The following PREP variants were observed in gnomAD, a reference collection of about 807,000 sequenced individuals.
PREP encodes prolyl endopeptidase.
A neutral mutation model predicts 87.6 loss-of-function variants in PREP; 29 were observed. The observed-to-expected ratio is 0.33, with a 90% CI of 0.25 to 0.45. PREP has a LOEUF of 0.45. Among genes scored for constraint, PREP ranks in the 20% least tolerant of loss-of-function variants. The pLI is 1.00. For synonymous variants in PREP, 337 were observed against 328.6 expected (o/e 1.03, Z -0.28); for missense variants, 695 against 886.5 (o/e 0.78, Z 2.74).
intron 6 of PREP, among the ~76,000 whole-genome samples, chr6:105,356,607 C>T (rs1043335826): frequency 2.6e-5 from 4 of 152,134 alleles, no homozygotes; most frequent in Non-Finnish European, 5.9e-5. Flanking sequence ...AGTGAGACTA[C>T]GATACTCTGA....
At chr6:105,352,949 CTG>C (rs761314498) in intron 7 of PREP, 21 bp downstream of exon 7, 1 of 1,569,774 alleles carries the variant, frequency 6.4e-7, no homozygotes, top group Non-Finnish European at 8.8e-7. Flanking sequence ...GAATAACTAT[CTG>C]TGTCTGAAAA....
chr6:105,368,228 G>C (rs936607495), intron 6 of PREP, among the ~76,000 whole-genome samples: 5 of 152,102 alleles, frequency 3.3e-5, no homozygotes, highest in Non-Finnish European at 7.4e-5. Context: ...AACATATTCA[G>C]AATGCTTCTC....
chr6:105,382,690 A>G (rs1411421695), intron 2 of PREP, among the ~76,000 whole-genome samples: 2 of 151,782 alleles, frequency 1.3e-5, no homozygotes, highest in African/African-American at 4.8e-5. Context: ...AGAACAAATA[A>G]AGGGGAAGCT....
intron 7 of PREP, among the ~76,000 whole-genome samples, chr6:105,337,172 G>A (rs1385095990): frequency 6.6e-6 from 1 of 152,106 alleles, no homozygotes; most frequent in Non-Finnish European, 1.5e-5. Context: ...TGTTTCTGCT[G>A]GCTCTAATTT....
intron 6 of PREP, among the ~76,000 whole-genome samples, chr6:105,364,076 C>T (rs367894795): frequency 1.3e-5 from 2 of 152,312 alleles, no homozygotes; most frequent in South Asian, 4.1e-4. Flanking sequence ...CTCCTCCTCC[C>T]TGAGTGGCTA....
intron 6 of PREP, among the ~76,000 whole-genome samples, chr6:105,354,991 G>C (rs905077485): frequency 1.6e-4 from 24 of 151,844 alleles, no homozygotes; most frequent in African/African-American, 5.8e-4. Flanking sequence ...TTCAGAGAGA[G>C]GAATACATAA....
intron 10 of PREP, among the ~76,000 whole-genome samples, chr6:105,310,385 TTG>T (rs1022997441): frequency 1.3e-5 from 2 of 152,182 alleles, no homozygotes; most frequent in African/African-American, 4.8e-5. Context: ...TCCTCCTCTC[TTG>T]TCTTTCCTGA....
rs115764418 is a variant in PREP, at chr6:105,316,285, A to C, written c.1317+7380T>G. On this transcript the variant is annotated intron_variant, in intron 10 of 14. Coordinates refer to ENST00000652536, the MANE Select transcript of PREP (RefSeq NM_002726.5). Reference sequence around the variant, plus strand: ...ATTTTAACAGTGTTATGTCTCAGGGAATAGGGCGGTCTGACGAGAGGGAGA... The same window carrying C: ...ATTTTAACAGTGTTATGTCTCAGGGCATAGGGCGGTCTGACGAGAGGGAGA... 7.8e-3 allele frequency among the ~76,000 whole-genome samples: 1,186 copies of C among 152,284 alleles called. 18 individuals carry two copies. Among genetic ancestry groups the C allele is most frequent in the African/African-American group, 0.028 (1,146 of 41,560 alleles).
In PREP at chr6:105,274,022, A is replaced by G. The variant is rs944263892; in HGVS notation, c.*4122T>C. On this transcript the variant is annotated 3_prime_UTR_variant, in exon 15 of 15. Coordinates refer to ENST00000652536, the MANE Select transcript of PREP (RefSeq NM_002726.5). Reference sequence around the variant, plus strand: ...TTCATTTGCCCCACTTTGTTTCTTCACAGCTCTTTTTATTCCTGTTTCTTG... The same window carrying G: ...TTCATTTGCCCCACTTTGTTTCTTCGCAGCTCTTTTTATTCCTGTTTCTTG... 8.5e-5 allele frequency among the ~76,000 whole-genome samples: 13 copies of G among 152,128 alleles called. No individual in the cohort carries two copies. Among genetic ancestry groups the G allele is most frequent in the Non-Finnish European group, 1.6e-4 (11 of 68,036 alleles).
At chr6:105,283,405 C>T (rs1770123079) in intron 12 of PREP, among the ~76,000 whole-genome samples, 1 of 152,166 alleles carries the variant, frequency 6.6e-6, no homozygotes. Flanking sequence ...AAATAACGGC[C>T]TTTGAAATGA....
At chr6:105,375,454 C>G (rs1395071136) in intron 4 of PREP, among the ~76,000 whole-genome samples, 1 of 152,022 alleles carries the variant, frequency 6.6e-6, no homozygotes, top group African/African-American at 2.4e-5. Context: ...AGTTCCTTAC[C>G]CTAGAACTCT....
In PREP at chr6:105,397,833, T is replaced by C; in HGVS notation, c.120+20A>G. 3 of 1,578,844 alleles carry C rather than the reference T, an allele frequency of 1.9e-6. No individual in the cohort carries two copies. Among genetic ancestry groups the C allele is most frequent in the South Asian group, 2.2e-5 (2 of 90,268 alleles). ...GCTAGCTACTAAGGCTGCCTTATCT[T>C]TAATTAGAAACCAAATTACCTTAGT... On this transcript the variant is annotated intron_variant, in intron 2 of 14. Transcript: ENST00000652536.
At chr6:105,333,782 G>A (rs182144316) in intron 7 of PREP, among the ~76,000 whole-genome samples, 8 of 152,114 alleles carry the variant, frequency 5.3e-5, no homozygotes, top group Admixed American at 3.3e-4. Context: ...TAACTGAGCC[G>A]GCCTCAAATC....
At chr6:105,362,069 G>A (rs139290211) in intron 6 of PREP, among the ~76,000 whole-genome samples, 6 of 152,290 alleles carry the variant, frequency 3.9e-5, no homozygotes, top group Non-Finnish European at 8.8e-5. Context: ...AACAAAACAC[G>A]TACAAAATAA....
intron 9 of PREP, among the ~76,000 whole-genome samples, chr6:105,324,772 C>T (rs2114647950): frequency 6.6e-6 from 1 of 152,324 alleles, no homozygotes; most frequent in East Asian, 1.9e-4. Context: ...ATGCACTTCA[C>T]TAACAGCTGG....
chr6:105,303,723 C>T (rs1770594632), intron 10 of PREP, among the ~76,000 whole-genome samples: 1 of 152,158 alleles, frequency 6.6e-6, no homozygotes, highest in African/African-American at 2.4e-5. Context: ...TTATTCCTTA[C>T]CTGAAAATGT....
At position 105,321,477 on chromosome 6, in the gene PREP, G is replaced by A. The variant is rs552304137; in HGVS notation, c.1317+2188C>T. Among the ~76,000 whole-genome samples the A allele has an allele frequency of 6.6e-5, 10 of 152,350 alleles. No individual in the cohort carries two copies. The South Asian group carries it at 1.9e-3, about 28-fold the overall frequency. On this transcript the variant is annotated intron_variant, in intron 10 of 14. Transcript: ENST00000652536. ...CGGTTTAACCTGGACATTCCAGGCT[G>A]CTATGTATGTGGCTGTTAGGTTTGT...
chr6:105,320,997 A>G (rs1770990482), intron 10 of PREP, among the ~76,000 whole-genome samples: 1 of 152,194 alleles, frequency 6.6e-6, no homozygotes, highest in Non-Finnish European at 1.5e-5. Context: ...TGCTGCACAC[A>G]TACACTTGAA....
chr6:105,300,394 G>C (rs1348153070), intron 10 of PREP, among the ~76,000 whole-genome samples: 1 of 152,034 alleles, frequency 6.6e-6, no homozygotes, highest in Admixed American at 6.6e-5. Flanking sequence ...TCTTGCCATG[G>C]CCATTCTACC....
Sources: allele counts gnomAD v4.1 joint callset (sites outside exome capture counted in the v4.1 genomes callset), GRCh38; gene constraint gnomAD v4.1.1; transcripts MANE v1.5; gene names NCBI Gene and HGNC (gene_info 2026-07-23, HGNC 2026-07-21).